SCIN: variants seen among roughly 807,000 people sequenced by gnomAD.
SCIN encodes adseverin.
Under a neutral mutation model 91.8 loss-of-function variants are expected in SCIN, and 91 were observed. The observed-to-expected ratio is 0.99, with a 90% CI of 0.84 to 1.18. The LOEUF (loss-of-function observed/expected upper bound fraction) is 1.18. SCIN is among the 50% of genes most tolerant of loss of function. The pLI, the probability that SCIN is intolerant of heterozygous loss-of-function variation, is 0.00. For synonymous variants in SCIN, 367 were observed against 312.6 expected, an observed-to-expected ratio of 1.17 and a Z score of -1.84; for missense variants, 1,087 against 863.9, an observed-to-expected ratio of 1.26 and a Z score of -3.24.
At chr7:12,647,017 T>TTCAC (rs1437754273) in intron 13 of SCIN, among the ~76,000 whole-genome samples, 1 of 124,556 alleles carries the variant, frequency 8.0e-6, no homozygotes, top group Non-Finnish European at 1.7e-5. Context: ...TTTTATTGTT[T>TTCAC]TGACTTGATA....
At chr7:12,580,392 T>A (rs1221460346) in intron 2 of SCIN, among the ~76,000 whole-genome samples, 1 of 152,234 alleles carries the variant, frequency 6.6e-6, no homozygotes, top group Non-Finnish European at 1.5e-5. Flanking sequence ...TCATTTTATT[T>A]TATTTTTTTT....
chr7:12,586,321 A>G lies in SCIN; in HGVS notation c.516+5100A>G, dbSNP rs181188876. 7.5e-3 allele frequency among the ~76,000 whole-genome samples: 1,146 copies of G among 152,312 alleles called. 5 individuals are homozygous for G. The highest frequency in any genetic ancestry group is 0.012 in the South Asian group (56 of 4,828). On this transcript the variant is annotated intron_variant, in intron 3 of 15. Transcript: ENST00000297029. ...TGAATTTTGAATGGCCAATAAGTAAATGAAAAAATGCTGAACATCACTAAT... is the reference window on the plus strand; with the variant it reads ...TGAATTTTGAATGGCCAATAAGTAAGTGAAAAAATGCTGAACATCACTAAT...
chr7:12,573,697 A>G (rs1782313305), intron 1 of SCIN, among the ~76,000 whole-genome samples: 1 of 152,200 alleles, frequency 6.6e-6, no homozygotes, highest in Admixed American at 6.5e-5. Flanking sequence ...AGGTCTAGAT[A>G]GTAAAACTGC....
At chr7:12,621,765 G>A (rs1462116866) in intron 4 of SCIN, among the ~76,000 whole-genome samples, 1 of 149,988 alleles carries the variant, frequency 6.7e-6, no homozygotes, top group Non-Finnish European at 1.5e-5. Context: ...AGATAGGTAT[G>A]TTCCCAGAGG....
chr7:12,593,147 TG>T (rs1782761964), intron 3 of SCIN, among the ~76,000 whole-genome samples: 1 of 152,222 alleles, frequency 6.6e-6, no homozygotes, highest in South Asian at 2.1e-4. Flanking sequence ...GGTGGGGACA[TG>T]GCCCCGTCCA....
In SCIN at chr7:12,570,795, G is replaced by A. The variant is rs1396860023; in HGVS notation, c.9G>A (p.Arg3=). 1 of 1,550,936 alleles carries A rather than the reference G, an allele frequency of 6.4e-7. No individual in the cohort carries two copies. Among genetic ancestry groups the A allele is most frequent in the Non-Finnish European group, 8.7e-7 (1 of 1,146,692 alleles). The change falls in exon 1 of 16, where the codon CGG becomes CGA. Residue 3 remains arginine, a synonymous_variant. Transcript: ENST00000297029. ...CATCGCGTGCAGGAGCCATGGCGCG[G>A]GAGCTATACCACGAAGAGTTCGCCC... is the stretch of plus-strand genomic sequence containing the variant. MA[R]ELYHEEFARA...
intron 11 of SCIN, among the ~76,000 whole-genome samples, chr7:12,643,045 T>C (rs1475054388): frequency 6.6e-6 from 1 of 152,208 alleles, no homozygotes; most frequent in East Asian, 1.9e-4. Context: ...TCTACGGGCA[T>C]TCTCAGTTGA....
At chr7:12,645,970 CTA>C (rs1783958536) in intron 13 of SCIN, among the ~76,000 whole-genome samples, 1 of 152,150 alleles carries the variant, frequency 6.6e-6, no homozygotes, top group Non-Finnish European at 1.5e-5. Context: ...TCTGATCAAA[CTA>C]TGTAAATTTT....
chr7:12,621,956 T>G (rs1181395102), intron 4 of SCIN, among the ~76,000 whole-genome samples: 9 of 151,994 alleles, frequency 5.9e-5, no homozygotes, highest in African/African-American at 2.2e-4. Flanking sequence ...ATATTTGTTG[T>G]ATCTAAATGA....
chr7:12,616,577 A>G (rs1251394020), intron 4 of SCIN, among the ~76,000 whole-genome samples: 2 of 152,148 alleles, frequency 1.3e-5, no homozygotes, highest in East Asian at 3.9e-4. Context: ...ACTGCACTGA[A>G]AGTTAGTTCA....
In SCIN at chr7:12,640,519, T is replaced by C. The variant is rs1271136201; in HGVS notation, c.1581+2T>C. 1 of 1,605,876 alleles carries C rather than the reference T, an allele frequency of 6.2e-7. No homozygotes were observed. The highest frequency in any genetic ancestry group is 1.3e-5 in the African/African-American group (1 of 74,546). On this transcript the variant is annotated splice_donor_variant, in intron 11 of 15. Coordinates refer to ENST00000297029, the MANE Select transcript of SCIN (RefSeq NM_001112706.3). LOFTEE classifies it high-confidence loss of function. ...GCATCTATCACCAGAATTGTGGAGGTAATGTCATGCATTCCATAAAACATG... is the reference window on the plus strand; with the variant it reads ...GCATCTATCACCAGAATTGTGGAGGCAATGTCATGCATTCCATAAAACATG...
At chr7:12,640,279 T>C in intron 10 of SCIN, 68 bp from the exon 11 acceptor site, 2 of 1,339,994 alleles carry the variant, frequency 1.5e-6, no homozygotes, top group Non-Finnish European at 2.0e-6. Flanking sequence ...AAGAACACAT[T>C]TGGAACTAAA....
intron 10 of SCIN, among the ~76,000 whole-genome samples, chr7:12,638,300 C>G (rs7791261): frequency 7.1e-4 from 108 of 152,314 alleles, no homozygotes; most frequent in African/African-American, 2.5e-3. Context: ...CTCTCATTCC[C>G]TGTGTCTTCC....
intron 4 of SCIN, among the ~76,000 whole-genome samples, chr7:12,620,335 C>A (rs1783381960): frequency 6.6e-6 from 1 of 152,096 alleles, no homozygotes; most frequent in Non-Finnish European, 1.5e-5. Flanking sequence ...TGAATTCTTT[C>A]ACCAACATTT....
At chr7:12,602,204 C>T (rs1476767384) in intron 3 of SCIN, among the ~76,000 whole-genome samples, 16 of 152,144 alleles carry the variant, frequency 1.1e-4, no homozygotes, top group Admixed American at 1.0e-3. Context: ...ACCATGATGC[C>T]CACCTGAGCC....
At chr7:12,628,018 G>A (rs1783563459) in intron 8 of SCIN, among the ~76,000 whole-genome samples, 1 of 140,034 alleles carries the variant, frequency 7.1e-6, no homozygotes, top group Admixed American at 7.5e-5. Flanking sequence ...TGAGAACTTA[G>A]GCAAGTGTGC....
chr7:12,576,171 G>A (rs930078576), intron 1 of SCIN, among the ~76,000 whole-genome samples: 1 of 151,986 alleles, frequency 6.6e-6, no homozygotes, highest in African/African-American at 2.4e-5. Context: ...CTCTCTTAAG[G>A]CATCATAAAA....
At chr7:12,619,402 G>A (rs1783361188) in intron 4 of SCIN, among the ~76,000 whole-genome samples, 1 of 152,074 alleles carries the variant, frequency 6.6e-6, no homozygotes, top group African/African-American at 2.4e-5. Context: ...AAAAACAGAG[G>A]TACATGCTGT....
Position 12,626,628 on chromosome 7 carries a change from G to A in SCIN, c.1026G>A (p.Gln342=), listed in dbSNP as rs1310433069. The A allele has an allele frequency of 1.3e-6, 2 of 1,552,432 alleles. No homozygotes were observed. The highest frequency in any genetic ancestry group is 1.7e-6 in the Non-Finnish European group (2 of 1,147,370). ...GAGGTGAAACACCAATCTTCAAACAGTTTTTTAAGGACTGGAGAGATAAAG... is the reference window on the plus strand; with the variant it reads ...GAGGTGAAACACCAATCTTCAAACAATTTTTTAAGGACTGGAGAGATAAAG... ...PEGGETPIFK[Q]FFKDWRDKDQ... Residue 342 remains glutamine, a synonymous_variant, in exon 8 of 16, where the codon CAG becomes CAA. Transcript: ENST00000297029.
Sources: gnomAD v4.1 joint callset for allele counts (sites outside exome capture counted in the v4.1 genomes callset) on GRCh38, gnomAD v4.1.1 for gene constraint, MANE v1.5 for transcripts, NCBI Gene and HGNC (gene_info 2026-07-23, HGNC 2026-07-21) for gene names.